Variants in GPC3 observed in about 807,000 individuals in gnomAD.
GPC3 encodes the protein glypican 3, also known as glypican-3.
A neutral mutation model predicts 34.4 loss-of-function variants in GPC3; 3 were observed. The observed-to-expected ratio is 0.09, with a 90% confidence interval of 0.04 to 0.23. GPC3 has a LOEUF of 0.23. GPC3 is among the 10% of genes least tolerant of loss of function. The probability of loss-of-function intolerance (pLI) is 1.00; values close to 1 mark genes in which losing one functional copy is unlikely to be tolerated. For missense variants in GPC3, 351 were observed against 445.6 expected (o/e 0.79, Z 1.91); for synonymous variants, 177 against 174.0 (o/e 1.02, Z -0.13).
intron 2 of GPC3, among the ~76,000 whole-genome samples, chrX:133,878,636 A>G (rs773976925): frequency 8.9e-6 from 1 of 111,825 alleles, no homozygotes; most frequent in South Asian, 3.7e-4. Context: ...GTTTTTTTAC[A>G]TACACTTCAG....
chrX:133,921,164 T>C (rs973428470), intron 2 of GPC3, among the ~76,000 whole-genome samples: 8 of 112,218 alleles, frequency 7.1e-5, no homozygotes, highest in Admixed American at 4.7e-4. Context: ...TAAGTCAGAA[T>C]ATTCTGTCTT....
chrX:133,754,985 T>A (rs1207066404), intron 2 of GPC3, among the ~76,000 whole-genome samples: 1 of 111,562 alleles, frequency 9.0e-6, no homozygotes, highest in Non-Finnish European at 1.9e-5. Flanking sequence ...CCCCAACCCC[T>A]TTGCATAAAG....
chrX:133,852,042 G>C (rs2075876141), intron 2 of GPC3, among the ~76,000 whole-genome samples: 1 of 111,941 alleles, frequency 8.9e-6, no homozygotes, highest in African/African-American at 3.2e-5. Context: ...CTAAGCAGAG[G>C]GACGAATTAA....
intron 1 of GPC3, among the ~76,000 whole-genome samples, chrX:133,960,520 T>C (rs1468725231): frequency 9.0e-6 from 1 of 111,638 alleles, no homozygotes; most frequent in Non-Finnish European, 1.9e-5. Context: ...AGAAAAAATA[T>C]TAATGTAGAC....
intron 2 of GPC3, among the ~76,000 whole-genome samples, chrX:133,818,781 G>A (rs757886968): frequency 9.0e-6 from 1 of 111,275 alleles, no homozygotes; most frequent in South Asian, 3.8e-4. Flanking sequence ...CCCAGTCCCT[G>A]TGGGAATCTG....
chrX:133,797,199 C>T (rs940104013), intron 2 of GPC3, among the ~76,000 whole-genome samples: 2 of 110,372 alleles, frequency 1.8e-5, no homozygotes. Flanking sequence ...AACCACAGTC[C>T]GGTGGTCTCA....
At chrX:133,741,571 G>A (rs1215852242) in intron 3 of GPC3, among the ~76,000 whole-genome samples, 1 of 112,422 alleles carries the variant, frequency 8.9e-6, no homozygotes, top group East Asian at 2.8e-4. Flanking sequence ...TTCTGGGCAA[G>A]AGATGTACCT....
intron 6 of GPC3, among the ~76,000 whole-genome samples, chrX:133,610,092 C>T: frequency 8.9e-6 from 1 of 112,022 alleles, no homozygotes; most frequent in Non-Finnish European, 1.9e-5. Context: ...ACCACAAGGT[C>T]TGGGAAGAGC....
chrX:133,680,247 C>G (rs2070927368), intron 5 of GPC3, among the ~76,000 whole-genome samples: 1 of 111,853 alleles, frequency 8.9e-6, no homozygotes, highest in Admixed American at 9.5e-5. Flanking sequence ...TTACATAGTG[C>G]AATCCTCTAT....
chrX:133,757,170 T>C (rs753001218), intron 2 of GPC3, among the ~76,000 whole-genome samples: 2 of 112,258 alleles, frequency 1.8e-5, no homozygotes, highest in African/African-American at 6.5e-5. Flanking sequence ...GAAAATATTC[T>C]AATTTTTTAC....
chrX:133,601,177 C>A (rs187462673), intron 6 of GPC3, among the ~76,000 whole-genome samples: 20 of 111,771 alleles, frequency 1.8e-4, no homozygotes, highest in Non-Finnish European at 3.0e-4. Flanking sequence ...CCTAAGCATA[C>A]AATCAACTTT....
chrX:133,793,614 C>A lies in GPC3; in HGVS notation c.338-39438G>T, dbSNP rs749105288. Among the ~76,000 whole-genome samples the A allele has an allele frequency of 8.1e-5, 9 of 111,500 alleles. No homozygotes were observed. In the South Asian group the frequency reaches 3.4e-3, roughly 43 times the overall value. ...TATGAACTCCAATCTTGCACACAAC[C>A]CCTCAGGCCACAACTGCACGGCTGC... On this transcript the variant is annotated intron_variant, in intron 2 of 7. Coordinates refer to ENST00000370818, the MANE Select transcript of GPC3 (RefSeq NM_004484.4).
At chrX:133,929,064 T>A (rs2076287038) in intron 2 of GPC3, among the ~76,000 whole-genome samples, 1 of 112,221 alleles carries the variant, frequency 8.9e-6, no homozygotes, top group Non-Finnish European at 1.9e-5. Context: ...TTCTAAAAGG[T>A]TTATGGTTTC....
intron 7 of GPC3, among the ~76,000 whole-genome samples, chrX:133,593,100 C>T (rs918544091): frequency 2.7e-5 from 3 of 109,655 alleles, no homozygotes; most frequent in African/African-American, 1.0e-4. Context: ...CCGAGGCAGG[C>T]GGGGATCACA....
chrX:133,697,611 T>C (rs910000694), intron 4 of GPC3, among the ~76,000 whole-genome samples: 3 of 112,189 alleles, frequency 2.7e-5, no homozygotes, highest in African/African-American at 9.7e-5. Context: ...ATGGAAATTA[T>C]TCATTTGCAT....
At chrX:133,614,513 G>A (rs111929331) in intron 6 of GPC3, among the ~76,000 whole-genome samples, 8 of 110,469 alleles carry the variant, frequency 7.2e-5, no homozygotes, top group Admixed American at 3.8e-4. Flanking sequence ...ACCAGCAAAC[G>A]TGTCCTTCAA....
chrX:133,664,970 A>G (rs2070756758), intron 5 of GPC3, among the ~76,000 whole-genome samples: 1 of 111,503 alleles, frequency 9.0e-6, no homozygotes, highest in South Asian at 3.8e-4. Flanking sequence ...AATACTTTGG[A>G]CATATTTTCA....
intron 7 of GPC3, among the ~76,000 whole-genome samples, chrX:133,576,028 C>T (rs1227300524): frequency 8.9e-6 from 1 of 111,766 alleles, no homozygotes; most frequent in African/African-American, 3.3e-5. Context: ...GCTACAGAGG[C>T]GCAGAACTCT....
intron 2 of GPC3, among the ~76,000 whole-genome samples, chrX:133,767,970 G>C (rs1372870501): frequency 9.1e-6 from 1 of 109,543 alleles, no homozygotes; most frequent in African/African-American, 3.3e-5. Flanking sequence ...GGGGTGGGGG[G>C]GTAAATCTCC....
Sources: allele counts gnomAD v4.1 joint callset (sites outside exome capture counted in the v4.1 genomes callset), GRCh38; gene constraint gnomAD v4.1.1; transcripts MANE v1.5; gene names NCBI Gene and HGNC (gene_info 2026-07-23, HGNC 2026-07-21).